The following CNMD variants were observed in gnomAD, a reference collection of about 807,000 sequenced individuals.
CNMD encodes chondromodulin.
A neutral mutation model predicts 37.5 loss-of-function variants in CNMD; 30 were observed. The ratio of observed to expected loss-of-function variants is 0.80; its 90% CI spans 0.60 to 1.09. CNMD has a LOEUF of 1.09. Ranked by LOEUF, CNMD falls within the 50% of genes least tolerant of loss-of-function variation. The pLI, the probability that CNMD is intolerant of heterozygous loss-of-function variation, is 0.00. For synonymous variants in CNMD, 167 were observed against 148.2 expected, an observed-to-expected ratio of 1.13 and a Z score of -0.92; for missense variants, 398 against 423.9, an observed-to-expected ratio of 0.94 and a Z score of 0.54.
rs143329901 is a variant in CNMD, at chr13:52,710,100, C to G, written c.623-1398G>C. On this transcript the variant is annotated intron_variant, in intron 5 of 6. Coordinates refer to ENST00000377962, the MANE Select transcript of CNMD (RefSeq NM_007015.3). ...AGTGATAGGGTTAATGAGAATCTGT[C>G]TAAAGGTTTAAGCAGTGTGTTGCAT... Among the ~76,000 whole-genome samples, 10 of 152,284 alleles carry G rather than the reference C, an allele frequency of 6.6e-5. No homozygotes were observed. In the East Asian group the frequency reaches 1.7e-3, roughly 26 times the overall value.
intron 6 of CNMD, among the ~76,000 whole-genome samples, chr13:52,706,795 G>C (rs1318936801): frequency 6.6e-6 from 1 of 152,058 alleles, no homozygotes; most frequent in Non-Finnish European, 1.5e-5. Flanking sequence ...AATAGTCATT[G>C]TTAATAGTTT....
In CNMD at chr13:52,736,986, A is replaced by G. The variant is rs140655297; in HGVS notation, c.213+2045T>C. Among the ~76,000 whole-genome samples, 34 of 152,298 alleles carry G rather than the reference A, an allele frequency of 2.2e-4. 1 individual carries two copies. The East Asian group carries it at 6.4e-3, about 29-fold the overall frequency. Reference sequence around the variant, plus strand: ...GATTATTATTACTCCAGTGCTTCATAGTCCTCCAGCTAAATTTCAGTAAAC... The same window carrying G: ...GATTATTATTACTCCAGTGCTTCATGGTCCTCCAGCTAAATTTCAGTAAAC... On this transcript the variant is annotated intron_variant, in intron 2 of 6. Coordinates refer to ENST00000377962, the MANE Select transcript of CNMD (RefSeq NM_007015.3).
At position 52,712,839 on chromosome 13, in the gene CNMD, C is replaced by A; in HGVS notation, c.499G>T (p.Glu167Ter). Reference sequence around the variant, plus strand: ...ACAGCCACCCAGATAAGAGAATTTTCTTCATATTTGACTGGCATGATCTTG... The same window carrying A: ...ACAGCCACCCAGATAAGAGAATTTTATTCATATTTGACTGGCATGATCTTG... ...EGKIMPVKYEENSLIWVAVDQ... is the reference protein window; with the variant it reads ...EGKIMPVKYE Residue 167 changes from glutamate (E) to a stop codon, truncating the protein, a stop_gained, in exon 5 of 7, where the codon GAA (glutamate) becomes TAA (stop). Coordinates refer to ENST00000377962, the MANE Select transcript of CNMD (RefSeq NM_007015.3). LOFTEE classifies it high-confidence loss of function. The A allele has an allele frequency of 6.3e-7, 1 of 1,580,856 alleles. No homozygotes were observed. The highest frequency in any genetic ancestry group is 8.6e-7 in the Non-Finnish European group (1 of 1,165,620).
intron 3 of CNMD, among the ~76,000 whole-genome samples, chr13:52,731,738 C>T (rs1290614656): frequency 2.0e-5 from 3 of 152,158 alleles, no homozygotes; most frequent in Non-Finnish European, 4.4e-5. Context: ...TTTGTAGCTC[C>T]CTTTGCATAT....
intron 6 of CNMD, among the ~76,000 whole-genome samples, chr13:52,705,435 A>G (rs9536248): frequency 0.036 from 5,450 of 152,290 alleles, 128 homozygotes; most frequent in South Asian, 0.064. Context: ...TCTTACTCTT[A>G]AAGCATTCAT....
At chr13:52,727,505 A>T (rs1182887783) in intron 3 of CNMD, among the ~76,000 whole-genome samples, 2 of 152,106 alleles carry the variant, frequency 1.3e-5, no homozygotes, top group East Asian at 1.9e-4. Flanking sequence ...CTACAAAAAA[A>T]TTTTAAAAAT....
At chr13:52,703,988 TC>T (rs1180633615) in intron 6 of CNMD, among the ~76,000 whole-genome samples, 178 bp from the exon 7 acceptor site, 1 of 151,176 alleles carries the variant, frequency 6.6e-6, no homozygotes, top group Non-Finnish European at 1.5e-5. Flanking sequence ...CATTCATAAT[TC>T]CTTTTGACAC....
At position 52,739,307 on chromosome 13, in the gene CNMD, GGTGCCCCTTTCGCCGC is replaced by G. The variant is rs1964842455; in HGVS notation, c.73-152_73-137del. 2.7e-6 allele frequency: 3 copies of G among 1,105,450 alleles called. No homozygotes were observed. The East Asian group carries it at 9.3e-5, about 34-fold the overall frequency. The allele number at this position is 1,105,450 out of a possible 1,614,324, so 68.5% of individuals were successfully genotyped here. Reference sequence around the variant, plus strand: ...GAAACAGCTCGCCCGGGCTCCTACGGGTGCCCCTTTCGCCGCGCTCCCTCCCGAGGGTCCTTTGCAG... The same window carrying G: ...GAAACAGCTCGCCCGGGCTCCTACGGGCTCCCTCCCGAGGGTCCTTTGCAG... On this transcript the variant is annotated intron_variant, in intron 1 of 6. Coordinates refer to ENST00000377962, the MANE Select transcript of CNMD (RefSeq NM_007015.3). The surrounding 1 kb of genome is among the most constrained non-coding windows in gnomAD (Gnocchi z 5.4).
At chr13:52,727,797 A>G (rs916971964) in intron 3 of CNMD, among the ~76,000 whole-genome samples, 3 of 152,182 alleles carry the variant, frequency 2.0e-5, no homozygotes, top group Admixed American at 1.3e-4. Flanking sequence ...GCTGAGAAGG[A>G]TATATGGGTG....
intron 6 of CNMD, among the ~76,000 whole-genome samples, chr13:52,705,815 C>T (rs1254738506): frequency 1.4e-5 from 2 of 147,626 alleles, no homozygotes; most frequent in African/African-American, 5.4e-5. Flanking sequence ...CATATCCTGC[C>T]TGTCTATAAA....
intron 5 of CNMD, 37 bp downstream of exon 5, chr13:52,712,679 A>C: frequency 7.2e-7 from 1 of 1,392,894 alleles, no homozygotes; most frequent in Non-Finnish European, 9.4e-7. Flanking sequence ...ATGAACAGGG[A>C]AAGTTGTAAA....
intron 4 of CNMD, among the ~76,000 whole-genome samples, chr13:52,722,536 A>G (rs4884249): frequency 1 from 151,658 of 152,286 alleles, 75,518 homozygotes; most frequent in Middle Eastern, 1. Flanking sequence ...CCCCCAGCTT[A>G]CAGATGACAA....
At chr13:52,738,878 G>A (rs1964823209) in intron 2 of CNMD, among the ~76,000 whole-genome samples, 153 bp downstream of exon 2, 1 of 152,166 alleles carries the variant, frequency 6.6e-6, no homozygotes, top group South Asian at 2.1e-4. Flanking sequence ...AAGGCGGAAA[G>A]CCGCGTGCCA....
At chr13:52,706,474 CTTTA>C (rs1419670790) in intron 6 of CNMD, among the ~76,000 whole-genome samples, 1 of 152,172 alleles carries the variant, frequency 6.6e-6, no homozygotes, top group Non-Finnish European at 1.5e-5. Flanking sequence ...CCTGCATTAC[CTTTA>C]TTTACTCCTC....
chr13:52,712,987 T>G (rs898698899), intron 4 of CNMD, 118 bp from the exon 5 acceptor site: 1 of 712,072 alleles, frequency 1.4e-6, no homozygotes, highest in Non-Finnish European at 2.2e-6. Context: ...ATTCCGAGCA[T>G]GCGTGTGTAC....
intron 3 of CNMD, among the ~76,000 whole-genome samples, chr13:52,730,391 T>C (rs1964645042): frequency 6.6e-6 from 1 of 152,120 alleles, no homozygotes; most frequent in South Asian, 2.1e-4. Flanking sequence ...CCCTGAGTAA[T>C]CGCCACACTG....
rs533193290 is a variant in CNMD at position 52,739,255 on chromosome 13, G to GC, written c.73-85dup. 8 of 1,384,420 alleles carry GC rather than the reference G, an allele frequency of 5.8e-6. No individual in the cohort carries two copies. In the Admixed American group the frequency reaches 2.4e-4, roughly 42 times the overall value. The allele number at this position is 1,384,420 out of a possible 1,614,324, so 85.8% of individuals were successfully genotyped here. A position where few individuals can be genotyped will look rare whatever the true frequency, so the allele number is the denominator to read the frequency against. ...CAGCGCACCCGGGCCCCACGCGGTAGCCCCCAGGGAGTGGGGAGTCGGGCG... is the reference window on the plus strand; with the variant it reads ...CAGCGCACCCGGGCCCCACGCGGTAGCCCCCCAGGGAGTGGGGAGTCGGGCG... On this transcript the variant is annotated intron_variant, in intron 1 of 6. Transcript: ENST00000377962. This position sits in a 1 kb window ranked among gnomAD's most constrained non-coding sequence, Gnocchi z 5.4.
chr13:52,733,236 C>T lies in CNMD; in HGVS notation c.337G>A (p.Val113Ile), dbSNP rs759686804. The change falls in exon 3 of 7, where the codon GTT (valine) becomes ATT (isoleucine). Residue 113 changes from valine to isoleucine, a missense_variant. Coordinates refer to ENST00000377962, the MANE Select transcript of CNMD (RefSeq NM_007015.3). Reference sequence around the variant, plus strand: ...ATACTTACATTCTGGAAATCATTAACTGCAATTGCTTCTTCAGCTCCACTT... The same window carrying T: ...ATACTTACATTCTGGAAATCATTAATTGCAATTGCTTCTTCAGCTCCACTT... ...MGSGAEEAIA[V>I]NDFQNGITGI... The T allele has an allele frequency of 6.2e-7, 1 of 1,614,164 alleles. No homozygotes were observed. Among genetic ancestry groups the T allele is most frequent in the Non-Finnish European group, 8.5e-7 (1 of 1,179,970 alleles).
chr13:52,704,813 G>C (rs1566215624), intron 6 of CNMD, among the ~76,000 whole-genome samples: 3 of 152,170 alleles, frequency 2.0e-5, no homozygotes, highest in Non-Finnish European at 4.4e-5. Flanking sequence ...TGCAATCCCA[G>C]CACTTTGGGA....
Sources: allele counts gnomAD v4.1 joint callset (sites outside exome capture counted in the v4.1 genomes callset), GRCh38; gene constraint gnomAD v4.1.1; non-coding constraint Gnocchi (gnomAD v3.1); transcripts MANE v1.5; gene names NCBI Gene and HGNC (gene_info 2026-07-23, HGNC 2026-07-21).